The following TNRC6C variants were observed in gnomAD, a reference collection of about 807,000 sequenced individuals.
TNRC6C encodes the protein trinucleotide repeat containing adaptor 6C.
Under a neutral mutation model 153.7 loss-of-function variants are expected in TNRC6C, and 20 were observed. The ratio of observed to expected loss-of-function variants is 0.13; its 90% CI spans 0.09 to 0.19. TNRC6C has a LOEUF of 0.19. Among genes scored for constraint, TNRC6C ranks in the 10% least tolerant of loss-of-function variants. The probability of loss-of-function intolerance (pLI) is 1.00; values close to 1 mark genes in which losing one functional copy is unlikely to be tolerated. For missense variants in TNRC6C, 1,987 were observed against 2,172.0 expected (o/e 0.91, Z 1.69); for synonymous variants, 811 against 841.4 (o/e 0.96, Z 0.63).
Position 78,049,836 on chromosome 17 carries a change from A to G in TNRC6C, c.774A>G (p.Thr258=), listed in dbSNP as rs1465215005. The change falls in exon 3 of 20, where the codon ACA becomes ACG. Residue 258 remains threonine (T), a synonymous_variant. Coordinates refer to ENST00000301624, the Ensembl canonical transcript of TNRC6C. This position sits in a 1 kb window ranked among gnomAD's most constrained non-coding sequence, Gnocchi z 4.1. ...GACTGTCCCCAGGTAACCCTGCCAC[A>G]GGAAATAGCAATTCTGGGTTCAGTC... is the stretch of plus-strand genomic sequence containing the variant. The G allele has an allele frequency of 6.2e-7, 1 of 1,613,420 alleles. No homozygotes were observed. The highest frequency in any genetic ancestry group is 2.2e-5 in the East Asian group (1 of 44,874).
chr17:78,100,913 C>A (rs1311848090), intron 17 of TNRC6C, among the ~76,000 whole-genome samples: 1 of 151,474 alleles, frequency 6.6e-6, no homozygotes, highest in Non-Finnish European at 1.5e-5. Context: ...GTAGCTGGGA[C>A]TACAGGTGCC....
intron 2 of TNRC6C, among the ~76,000 whole-genome samples, chr17:78,045,985 A>G (rs1179542845): frequency 2.6e-5 from 4 of 151,922 alleles, no homozygotes; most frequent in Admixed American, 6.6e-5. Flanking sequence ...CCCAGAGGGA[A>G]CCACAATTCA....
chr17:78,028,102 G>T (rs1329681010), intron 1 of TNRC6C, among the ~76,000 whole-genome samples: 5 of 152,090 alleles, frequency 3.3e-5, no homozygotes, highest in Middle Eastern at 3.2e-3. Context: ...GTTTCACCGT[G>T]TTAGTCAGGA....
At chr17:78,067,163 T>A (rs1355746195) in intron 4 of TNRC6C, 1 of 151,926 alleles carries the variant, frequency 6.6e-6, no homozygotes, top group East Asian at 1.9e-4. Flanking sequence ...GGCAACATAG[T>A]GAGACCCCAT....
At chr17:78,018,279 A>T (rs1248023535) in intron 1 of TNRC6C, among the ~76,000 whole-genome samples, 1 of 152,068 alleles carries the variant, frequency 6.6e-6, no homozygotes, top group African/African-American at 2.4e-5. Flanking sequence ...GGTGTGCATC[A>T]CCACGCCCGT....
At chr17:78,082,819 T>C (rs1300541557) in intron 10 of TNRC6C, among the ~76,000 whole-genome samples, 2 of 152,258 alleles carry the variant, frequency 1.3e-5, no homozygotes, top group African/African-American at 4.8e-5. Flanking sequence ...CATCACGCGC[T>C]GTTGGCTCAT....
At chr17:77,980,818 T>A (rs1456791322) in intron 1 of TNRC6C, among the ~76,000 whole-genome samples, 1 of 152,138 alleles carries the variant, frequency 6.6e-6, no homozygotes, top group Non-Finnish European at 1.5e-5. Flanking sequence ...CAAAGGATAT[T>A]ATGAAGGAAA....
intron 2 of TNRC6C, among the ~76,000 whole-genome samples, chr17:78,035,116 C>CT (rs1256569021): frequency 6.6e-6 from 1 of 152,190 alleles, no homozygotes; most frequent in Non-Finnish European, 1.5e-5. Flanking sequence ...CTCTAAGGTC[C>CT]TTTCCCTTAA....
At chr17:78,009,309 AC>A (rs1409579521) in intron 1 of TNRC6C, among the ~76,000 whole-genome samples, 1 of 151,566 alleles carries the variant, frequency 6.6e-6, no homozygotes, top group Non-Finnish European at 1.5e-5. Context: ...TGATATGATG[AC>A]CTTGGGAGCC....
chr17:78,095,647 A>C (rs756899401), intron 16 of TNRC6C, among the ~76,000 whole-genome samples: 5 of 152,016 alleles, frequency 3.3e-5, no homozygotes, highest in African/African-American at 4.8e-5. Context: ...TTGTTGCTCC[A>C]CTCTGGTACC....
chr17:78,104,838 C>A lies in TNRC6C; in HGVS notation c.5066C>A (p.Ser1689Tyr). 2 of 1,424,444 alleles carry A rather than the reference C, an allele frequency of 1.4e-6. No homozygotes were observed. Among genetic ancestry groups the A allele is most frequent in the Non-Finnish European group, 1.8e-6 (2 of 1,092,214 alleles). 88.2% of individuals were successfully genotyped at this position (1,424,444 alleles called of 1,614,324 possible). ...CCTGGGGACCTGCTCAGCGGGGAGT[C>A]CCTGTAGGCTCTGCCATCATCAGCA... Residue 1689 changes from serine to tyrosine, a missense_variant, in exon 20 of 20, where the codon TCC (serine) becomes TAC (tyrosine). Ser to Tyr is a moderately radical substitution (Grantham distance 144). Coordinates refer to ENST00000301624, the Ensembl canonical transcript of TNRC6C. This position sits in a 1 kb window ranked among gnomAD's most constrained non-coding sequence, Gnocchi z 6.2.
chr17:77,997,534 T>C (rs538904176), intron 1 of TNRC6C, among the ~76,000 whole-genome samples: 1 of 152,266 alleles, frequency 6.6e-6, no homozygotes, highest in South Asian at 2.1e-4. Flanking sequence ...CCCCAACACA[T>C]ACTGTCTGCA....
intron 1 of TNRC6C, among the ~76,000 whole-genome samples, chr17:77,964,870 T>C (rs2070885577): frequency 6.6e-6 from 1 of 152,172 alleles, no homozygotes; most frequent in African/African-American, 2.4e-5. Context: ...TTCAGGGGGC[T>C]ATGGCTGATG....
At position 78,049,677 on chromosome 17, in the gene TNRC6C, G is replaced by A. The variant is rs1246554997; in HGVS notation, c.615G>A (p.Leu205=). The change falls in exon 3 of 20, where the codon CTG becomes CTA. Residue 205 remains leucine, a synonymous_variant. Transcript: ENST00000301624. The surrounding 1 kb of genome is among the most constrained non-coding windows in gnomAD (Gnocchi z 4.1). ...TCAATGCAATGCAGACAAATGGACT[G>A]CCAAACTGGGGCATGGCTGTTGGTA... 8 of 1,610,678 alleles carry A rather than the reference G, an allele frequency of 5.0e-6. No individual in the cohort carries two copies. Among genetic ancestry groups the A allele is most frequent in the Non-Finnish European group, 5.9e-6 (7 of 1,177,284 alleles).
At chr17:78,086,360 A>AAAAAAG (rs1491522597) in intron 11 of TNRC6C, 143 bp from the exon 14 acceptor site, 1 of 287,104 alleles carries the variant, frequency 3.5e-6, no homozygotes, top group Non-Finnish European at 6.6e-6. Flanking sequence ...AAAAAAAAAA[A>AAAAAAG]CAGTATGTGT....
chr17:78,091,592 A>C (rs1007960582), exon 14 of TNRC6C: 2 of 1,558,778 alleles, frequency 1.3e-6, no homozygotes, highest in African/African-American at 2.8e-5. Flanking sequence ...CCTGGAGCAG[A>C]ACCCTAGCAA....
At chr17:78,041,895 T>C (rs969187962) in intron 2 of TNRC6C, among the ~76,000 whole-genome samples, 2 of 152,208 alleles carry the variant, frequency 1.3e-5, no homozygotes, top group Non-Finnish European at 2.9e-5. Context: ...CATTTACTAT[T>C]TGTCAGTGTT....
At chr17:78,029,255 C>A (rs190263878) in intron 1 of TNRC6C, among the ~76,000 whole-genome samples, 52 of 152,270 alleles carry the variant, frequency 3.4e-4, no homozygotes, top group South Asian at 6.2e-4. Flanking sequence ...CAGAGAGATA[C>A]GTTCTGAAAA....
At chr17:77,975,308 A>C (rs2070983644) in intron 1 of TNRC6C, among the ~76,000 whole-genome samples, 1 of 152,212 alleles carries the variant, frequency 6.6e-6, no homozygotes, top group African/African-American at 2.4e-5. Context: ...TATAACATTC[A>C]ATAAATGTTG....
Sources: gnomAD v4.1 joint callset for allele counts (sites outside exome capture counted in the v4.1 genomes callset) on GRCh38, gnomAD v4.1.1 for gene constraint, Gnocchi (gnomAD v3.1) non-coding constraint, MANE v1.5 for transcripts, NCBI Gene and HGNC (gene_info 2026-07-23, HGNC 2026-07-21) for gene names.